The following GPD2 variants were observed in gnomAD, a reference collection of about 807,000 sequenced individuals.
GPD2 encodes glycerol-3-phosphate dehydrogenase, mitochondrial.
Under a neutral mutation model 82.4 loss-of-function variants are expected in GPD2, and 54 were observed. The ratio of observed to expected loss-of-function variants is 0.66; its 90% CI spans 0.53 to 0.82. The LOEUF is 0.82. Ranked by LOEUF, GPD2 falls within the 40% of genes least tolerant of loss-of-function variation. The pLI, the probability that GPD2 is intolerant of heterozygous loss-of-function variation, is 0.00. For synonymous variants in GPD2, 288 were observed against 306.1 expected, an observed-to-expected ratio of 0.94 and a Z score of 0.62; for missense variants, 748 against 896.2, an observed-to-expected ratio of 0.83 and a Z score of 2.11.
At chr2:156,463,268 A>G (rs2105179203) in intron 1 of GPD2, among the ~76,000 whole-genome samples, 1 of 152,318 alleles carries the variant, frequency 6.6e-6, no homozygotes, top group East Asian at 1.9e-4. Context: ...ATTTTAATCC[A>G]AAAGAATACA....
intron 1 of GPD2, among the ~76,000 whole-genome samples, chr2:156,472,571 C>T (rs192970756): frequency 6.6e-6 from 1 of 152,298 alleles, no homozygotes; most frequent in East Asian, 1.9e-4. Context: ...ATCTACCCAC[C>T]TCAGCCTCCC....
At chr2:156,425,095 T>TG in the GPD2 span, among the ~76,000 whole-genome samples, 45 of 151,540 alleles carry the variant, frequency 3.0e-4, no homozygotes, top group East Asian at 1.5e-3. Context: ...TTTTATTTTT[T>TG]TTTTTGTTTT....
the GPD2 span, among the ~76,000 whole-genome samples, chr2:156,414,702 T>C: frequency 6.6e-6 from 1 of 152,066 alleles, no homozygotes; most frequent in Non-Finnish European, 1.5e-5. Context: ...AGTGGATGAG[T>C]TCTAAATATA....
chr2:156,550,360 G>A (rs1410189320), intron 7 of GPD2, among the ~76,000 whole-genome samples: 8 of 152,142 alleles, frequency 5.3e-5, no homozygotes, highest in African/African-American at 9.7e-5. Context: ...TTATAAGATC[G>A]ACAGAATCCA....
chr2:156,498,743 A>G (rs1424512316), intron 3 of GPD2, among the ~76,000 whole-genome samples: 2 of 152,180 alleles, frequency 1.3e-5, no homozygotes, highest in Non-Finnish European at 2.9e-5. Context: ...TGTGGAGAAA[A>G]AGAAAATAGA....
In GPD2 at chr2:156,578,162, A is replaced by G. The variant is rs1333776363; in HGVS notation, c.1768-727A>G. On this transcript the variant is annotated intron_variant, in intron 13 of 16. Transcript: ENST00000438166. The stretch of plus-strand genomic sequence containing the variant: ...AACAATATTTGCAGCAACAGTTAGT[A>G]TTAATTGACACTGAGGACATTGAAA... 2.6e-5 allele frequency among the ~76,000 whole-genome samples: 4 copies of G among 152,234 alleles called. No homozygotes were observed. In the East Asian group the frequency reaches 7.7e-4, roughly 29 times the overall value.
chr2:156,522,093 C>T (rs1192848468), intron 6 of GPD2, among the ~76,000 whole-genome samples: 1 of 152,068 alleles, frequency 6.6e-6, no homozygotes, highest in Non-Finnish European at 1.5e-5. Flanking sequence ...CAAAGGAAAC[C>T]TTGAATAAAT....
chr2:156,544,419 G>C (rs1686447262), intron 6 of GPD2, among the ~76,000 whole-genome samples: 1 of 152,138 alleles, frequency 6.6e-6, no homozygotes, highest in African/African-American at 2.4e-5. Flanking sequence ...GAGTTAGAGT[G>C]GGGCACTGTG....
chr2:156,439,513 G>GACAAAAAAAAAA (rs1682066868), intron 1 of GPD2, among the ~76,000 whole-genome samples: 1 of 31,622 alleles, frequency 3.2e-5, no homozygotes. Flanking sequence ...GACTGTCTCA[G>GACAAAAAAAAAA]AAAAAAAAAA....
intron 1 of GPD2, among the ~76,000 whole-genome samples, chr2:156,437,760 C>A (rs754581047): frequency 6.6e-6 from 1 of 152,162 alleles, no homozygotes; most frequent in Admixed American, 6.5e-5. Context: ...TTCCTTCTTT[C>A]TCCCTTGTGA....
intron 3 of GPD2, among the ~76,000 whole-genome samples, chr2:156,498,218 A>G (rs1684455922): frequency 6.6e-6 from 1 of 152,214 alleles, no homozygotes; most frequent in South Asian, 2.1e-4. Flanking sequence ...GCGATATGCA[A>G]GGTGCTACAA....
intron 2 of GPD2, chr2:156,495,498 A>C (rs750197158): frequency 1.0e-4 from 33 of 330,528 alleles, no homozygotes; most frequent in Non-Finnish European, 2.5e-5. Context: ...ATTATTTAGT[A>C]CCTTCTGTTA....
the GPD2 span, among the ~76,000 whole-genome samples, chr2:156,416,049 A>T: frequency 6.6e-6 from 1 of 151,434 alleles, no homozygotes; most frequent in East Asian, 1.9e-4. Flanking sequence ...AAACAAAATA[A>T]AATAAAATAA....
chr2:156,402,647 A>C, the GPD2 span, among the ~76,000 whole-genome samples: 3 of 152,086 alleles, frequency 2.0e-5, no homozygotes, highest in South Asian at 6.2e-4. Flanking sequence ...TGCATGGCTA[A>C]TTTTATTTAT....
intron 12 of GPD2, 134 bp from the exon 13 acceptor site, chr2:156,571,000 T>C: frequency 1.4e-6 from 1 of 711,218 alleles, no homozygotes; most frequent in Non-Finnish European, 2.5e-6. Flanking sequence ...GTCTCATGCC[T>C]GCTGGAGGAC....
At chr2:156,507,017 T>C (rs1438335384) in intron 3 of GPD2, among the ~76,000 whole-genome samples, 1 of 146,066 alleles carries the variant, frequency 6.8e-6, no homozygotes. Context: ...ATGCTACATC[T>C]TTTTTTTTTT....
At chr2:156,553,181 C>T in intron 8 of GPD2, among the ~76,000 whole-genome samples, 1 of 152,044 alleles carries the variant, frequency 6.6e-6, no homozygotes, top group Non-Finnish European at 1.5e-5. Context: ...AGCCACTGTG[C>T]CCGGCCCCTT....
intron 10 of GPD2, 31 bp downstream of exon 10, chr2:156,568,990 C>CTTTTTT (rs36082652): frequency 3.5e-4 from 441 of 1,253,662 alleles, no homozygotes; most frequent in Middle Eastern, 8.5e-4. Flanking sequence ...ATTTTCTTTT[C>CTTTTTT]TTTTTTTTTT....
chr2:156,519,768 G>A (rs1254401528), intron 6 of GPD2, among the ~76,000 whole-genome samples: 1 of 152,258 alleles, frequency 6.6e-6, no homozygotes, highest in East Asian at 1.9e-4. Context: ...CCCCTTGTGG[G>A]TGGGGGAGCA....
Sources: allele counts gnomAD v4.1 joint callset (sites outside exome capture counted in the v4.1 genomes callset), GRCh38; gene constraint gnomAD v4.1.1; transcripts MANE v1.5; gene names NCBI Gene and HGNC (gene_info 2026-07-23, HGNC 2026-07-21).